Variants in DPY19L1 observed in about 807,000 individuals in gnomAD.
The protein encoded by DPY19L1 is protein C-mannosyl-transferase DPY19L1.
A neutral mutation model predicts 96.9 loss-of-function variants in DPY19L1; 35 were observed. The observed-to-expected ratio is 0.36, with a 90% confidence interval of 0.28 to 0.48. The LOEUF (loss-of-function observed/expected upper bound fraction) is 0.48. Among genes scored for constraint, DPY19L1 ranks in the 20% least tolerant of loss-of-function variants. The pLI is 0.99. For missense variants in DPY19L1, 521 were observed against 777.9 expected (o/e 0.67, Z 3.93); for synonymous variants, 205 against 252.6 (o/e 0.81, Z 1.79).
intron 21 of DPY19L1, among the ~76,000 whole-genome samples, chr7:34,935,877 GA>G (rs1368499936): frequency 6.6e-6 from 1 of 152,240 alleles, no homozygotes; most frequent in Non-Finnish European, 1.5e-5. Flanking sequence ...TGTCAGGACA[GA>G]AAGCACAGCT....
intron 7 of DPY19L1, among the ~76,000 whole-genome samples, chr7:34,986,216 A>G (rs1584238024): frequency 6.6e-6 from 1 of 152,114 alleles, no homozygotes; most frequent in Non-Finnish European, 1.5e-5. Flanking sequence ...GGCAGGAGGA[A>G]TAAGTTTTAA....
intron 1 of DPY19L1, among the ~76,000 whole-genome samples, chr7:35,022,679 A>G (rs1786022211): frequency 6.6e-6 from 1 of 152,264 alleles, no homozygotes; most frequent in African/African-American, 2.4e-5. Context: ...GTGTTTGCTG[A>G]ATTAATGCAT....
intron 7 of DPY19L1, among the ~76,000 whole-genome samples, chr7:34,982,563 A>G (rs962296692): frequency 1.3e-5 from 2 of 152,266 alleles, no homozygotes; most frequent in African/African-American, 4.8e-5. Context: ...CAAGATTTAC[A>G]GTGAAACTAG....
intron 13 of DPY19L1, among the ~76,000 whole-genome samples, chr7:34,953,767 T>C (rs1784317311): frequency 1.3e-5 from 2 of 152,202 alleles, no homozygotes; most frequent in African/African-American, 2.4e-5. Context: ...TTTAAAAATC[T>C]TTCCACAGAT....
At chr7:34,979,727 G>A (rs1287108783) in intron 7 of DPY19L1, among the ~76,000 whole-genome samples, 1 of 152,070 alleles carries the variant, frequency 6.6e-6, no homozygotes, top group Non-Finnish European at 1.5e-5. Context: ...AATATCTAGA[G>A]ATTAATAAAA....
intron 7 of DPY19L1, among the ~76,000 whole-genome samples, chr7:34,973,871 TAAAAG>T (rs1167845425): frequency 6.6e-6 from 1 of 152,098 alleles, no homozygotes. Context: ...AACTACATCT[TAAAAG>T]GAAAGGGAGG....
intron 7 of DPY19L1, among the ~76,000 whole-genome samples, chr7:34,989,171 G>T (rs1269218285): frequency 2.0e-5 from 3 of 152,174 alleles, no homozygotes; most frequent in Admixed American, 6.5e-5. Context: ...GTACTTAAAA[G>T]AGTATCAAAT....
intron 3 of DPY19L1, among the ~76,000 whole-genome samples, chr7:35,016,552 G>A (rs1785852487): frequency 6.6e-6 from 1 of 152,166 alleles, no homozygotes; most frequent in South Asian, 2.1e-4. Context: ...AAAAATGATA[G>A]ATTAGGTACC....
chr7:35,023,832 TC>T lies in DPY19L1; in HGVS notation c.299-5237del, dbSNP rs1410476731. Among the ~76,000 whole-genome samples the T allele has an allele frequency of 8.6e-5, 11 of 127,566 alleles. No individual in the cohort carries two copies. In the East Asian group the frequency reaches 1.3e-3, roughly 15 times the overall value. 83.7% of individuals were successfully genotyped at this position (127,566 alleles called of 152,430 possible). On this transcript the variant is annotated intron_variant, in intron 1 of 21. Transcript: ENST00000638088. The stretch of plus-strand genomic sequence containing the variant: ...GAAATATATTCTTTTTCTTTTCTTT[TC>T]TTTTTTTTTTTTTTTTTTTTGAGAC...
At chr7:34,970,938 A>T (rs1784713585) in intron 8 of DPY19L1, among the ~76,000 whole-genome samples, 2 of 152,230 alleles carry the variant, frequency 1.3e-5, no homozygotes, top group Non-Finnish European at 2.9e-5. Flanking sequence ...AAATGCTTAA[A>T]ATTCAAAACT....
intron 9 of DPY19L1, among the ~76,000 whole-genome samples, chr7:34,969,015 C>G (rs1784670378): frequency 6.6e-6 from 1 of 151,948 alleles, no homozygotes; most frequent in Admixed American, 6.6e-5. Flanking sequence ...TCCTATGTGT[C>G]TTTATTCTAC....
At chr7:34,959,914 T>TATATTTATATATATATATATATAA (rs1562806899) in intron 10 of DPY19L1, among the ~76,000 whole-genome samples, 24 of 10,592 alleles carry the variant, frequency 2.3e-3, no homozygotes, top group Admixed American at 0.013. Context: ...TATATATATA[T>TATATTTATATATATATATATATAA]ATATATATAT....
In DPY19L1 at chr7:34,930,636, A is replaced by G. The variant is rs1189012337; in HGVS notation, c.*937T>C. On this transcript the variant is annotated 3_prime_UTR_variant, in exon 22 of 22. Coordinates refer to ENST00000638088, the MANE Select transcript of DPY19L1 (RefSeq NM_001366673.1). ...GTTCCACTATAAATGATGTCTAATCAAATATACATTAGTTTCTAGATGCAC... is the reference window on the plus strand; with the variant it reads ...GTTCCACTATAAATGATGTCTAATCGAATATACATTAGTTTCTAGATGCAC... The G allele has an allele frequency of 2.6e-5, 4 of 152,212 alleles. No individual in the cohort carries two copies. The highest frequency in any genetic ancestry group is 9.6e-5 in the African/African-American group (4 of 41,468). The allele number at this position is 152,212 out of a possible 1,614,324, so 9.4% of individuals were successfully genotyped here.
At chr7:35,008,893 G>A (rs921953071) in intron 6 of DPY19L1, among the ~76,000 whole-genome samples, 2 of 152,096 alleles carry the variant, frequency 1.3e-5, no homozygotes, top group Non-Finnish European at 2.9e-5. Context: ...TCATTACGAT[G>A]CAAGCACACA....
At chr7:35,029,048 C>T (rs1353958263) in intron 1 of DPY19L1, among the ~76,000 whole-genome samples, 1 of 152,156 alleles carries the variant, frequency 6.6e-6, no homozygotes, top group African/African-American at 2.4e-5. Flanking sequence ...TCAGCAGGGT[C>T]TTTGTGACCT....
intron 14 of DPY19L1, among the ~76,000 whole-genome samples, chr7:34,949,184 T>G (rs1371335964): frequency 1.3e-5 from 2 of 152,170 alleles, no homozygotes; most frequent in African/African-American, 2.4e-5. Flanking sequence ...ATTTAAATAT[T>G]TACTTATTTA....
intron 1 of DPY19L1, among the ~76,000 whole-genome samples, chr7:35,031,663 T>C (rs1786263584): frequency 6.6e-6 from 1 of 152,330 alleles, no homozygotes; most frequent in African/African-American, 2.4e-5. Context: ...TGCCATATTA[T>C]TGGCCAAAAA....
chr7:35,017,641 C>T (rs1157463728), intron 3 of DPY19L1, among the ~76,000 whole-genome samples: 3 of 151,628 alleles, frequency 2.0e-5, no homozygotes, highest in African/African-American at 4.8e-5. Flanking sequence ...CACTGCACTC[C>T]AGCCTGGGCG....
intron 6 of DPY19L1, among the ~76,000 whole-genome samples, chr7:35,009,492 G>A (rs1365757277): frequency 6.6e-6 from 1 of 152,150 alleles, no homozygotes; most frequent in African/African-American, 2.4e-5. Flanking sequence ...CAACTGTAAA[G>A]TAAATCAGGT....
Sources: gnomAD v4.1 joint callset for allele counts (sites outside exome capture counted in the v4.1 genomes callset) on GRCh38, gnomAD v4.1.1 for gene constraint, MANE v1.5 for transcripts, NCBI Gene and HGNC (gene_info 2026-07-23, HGNC 2026-07-21) for gene names.